MAPK8IP3: variants seen among roughly 807,000 people sequenced by gnomAD.
The protein encoded by MAPK8IP3 is mitogen-activated protein kinase 8 interacting protein 3.
MAPK8IP3 carries 49 observed loss-of-function variants against 157.8 expected under a neutral mutation model. That is an observed-to-expected ratio of 0.31 (90% confidence interval 0.25 to 0.39). The LOEUF (loss-of-function observed/expected upper bound fraction) is 0.39. MAPK8IP3 is among the 10% of genes least tolerant of loss of function. MAPK8IP3 has a pLI of 1.00. For missense variants in MAPK8IP3, 1,478 were observed against 1,889.4 expected (o/e 0.78, Z 4.04); for synonymous variants, 897 against 777.7 (o/e 1.15, Z -2.55).
chr16:1,733,248 G>A (rs2141755361), intron 4 of MAPK8IP3, among the ~76,000 whole-genome samples: 1 of 152,032 alleles, frequency 6.6e-6, no homozygotes, highest in African/African-American at 2.4e-5. Context: ...TGGGCAGGAG[G>A]AGCCCAGCAA....
At chr16:1,739,135 ACCGT>A (rs1229754379) in intron 4 of MAPK8IP3, among the ~76,000 whole-genome samples, 24 of 103,810 alleles carry the variant, frequency 2.3e-4, no homozygotes, top group Non-Finnish European at 3.0e-4. Context: ...TGAGCGTGTG[ACCGT>A]CCGTGTGTGT....
intron 4 of MAPK8IP3, among the ~76,000 whole-genome samples, chr16:1,739,946 G>A (rs1195528022): frequency 8.0e-6 from 1 of 125,514 alleles, no homozygotes; most frequent in African/African-American, 3.1e-5. Flanking sequence ...GTCCGTGTGA[G>A]CATCCGTGTG....
intron 4 of MAPK8IP3, among the ~76,000 whole-genome samples, chr16:1,733,772 C>T (rs2039471170): frequency 1.3e-5 from 2 of 152,366 alleles, no homozygotes; most frequent in Admixed American, 6.5e-5. Context: ...GGCTGCTGCA[C>T]TCCCCTCAGG....
chr16:1,744,573 C>G (rs543611313), intron 5 of MAPK8IP3: 1 of 985,546 alleles, frequency 1.0e-6, no homozygotes, highest in African/African-American at 1.7e-5. Context: ...AGCCCTGCCA[C>G]CTGGGCCCAC....
chr16:1,725,522 G>C (rs1057106245), intron 2 of MAPK8IP3, among the ~76,000 whole-genome samples: 1 of 151,504 alleles, frequency 6.6e-6, no homozygotes, highest in Admixed American at 6.6e-5. Flanking sequence ...AGCTACTCGG[G>C]CAACTGAGGC....
intron 24 of MAPK8IP3, 48 bp from the exon 25 acceptor site, chr16:1,766,856 G>A (rs1443773433): frequency 6.2e-7 from 1 of 1,611,570 alleles, no homozygotes; most frequent in South Asian, 1.1e-5. Context: ...GGGCGGAGGG[G>A]GCTGGCACAG....
intron 8 of MAPK8IP3, among the ~76,000 whole-genome samples, chr16:1,757,866 G>A (rs1156498507): frequency 2.6e-5 from 4 of 152,188 alleles, no homozygotes; most frequent in Admixed American, 1.3e-4. Flanking sequence ...CCTCCTGATG[G>A]GCGATGGGAG....
intron 1 of MAPK8IP3, among the ~76,000 whole-genome samples, chr16:1,709,245 G>C (rs1453231030): frequency 6.6e-6 from 1 of 152,226 alleles, no homozygotes; most frequent in Non-Finnish European, 1.5e-5. Flanking sequence ...AGGCAGCTGA[G>C]TGTATGAGAG....
intron 1 of MAPK8IP3, among the ~76,000 whole-genome samples, chr16:1,716,684 T>A (rs1596549791): frequency 6.6e-6 from 1 of 150,474 alleles, no homozygotes; most frequent in Non-Finnish European, 1.5e-5. Flanking sequence ...GAGGCTGAGG[T>A]GGGTGGATGA....
rs772025299 is a variant in MAPK8IP3 at position 1,743,322 on chromosome 16, C to T, written c.603-10C>T. 1.4e-5 allele frequency: 21 copies of T among 1,546,044 alleles called. No homozygotes were observed. Among genetic ancestry groups the T allele is most frequent in the Admixed American group, 8.9e-5 (4 of 44,970 alleles). On this transcript the variant is annotated splice_polypyrimidine_tract_variant and intron_variant, in intron 4 of 31. Transcript: ENST00000610761. The surrounding 1 kb of genome is among the most constrained non-coding windows in gnomAD (Gnocchi z 5.6). The stretch of plus-strand genomic sequence containing the variant: ...ACCATCGCTTCCTCTCCTCTCGCCC[C>T]CCATTTCAGCAGGAAGGAGCGCCCC...
chr16:1,743,792 T>A lies in MAPK8IP3; in HGVS notation c.747+316T>A. On this transcript the variant is annotated intron_variant, in intron 5 of 31. Coordinates refer to ENST00000610761, the MANE Select transcript of MAPK8IP3 (RefSeq NM_001318852.2). This position sits in a 1 kb window ranked among gnomAD's most constrained non-coding sequence, Gnocchi z 5.6. ...TGCCTGTCAGGGTTGAGCTTAGTGA[T>A]CCTCTCTCAAACCACACCCCCACAT... The A allele has an allele frequency of 1.6e-6, 2 of 1,252,718 alleles. No individual in the cohort carries two copies. The highest frequency in any genetic ancestry group is 3.0e-4 in the Middle Eastern group (1 of 3,290). The allele number at this position is 1,252,718 out of a possible 1,614,324, so 77.6% of individuals were successfully genotyped here.
chr16:1,730,686 A>G (rs370629600), intron 4 of MAPK8IP3, among the ~76,000 whole-genome samples: 1 of 152,234 alleles, frequency 6.6e-6, no homozygotes, highest in Non-Finnish European at 1.5e-5. Flanking sequence ...TACTAAAAAT[A>G]TAAAAAATTA....
In MAPK8IP3 at chr16:1,743,879, A is replaced by C; in HGVS notation, c.747+403A>C. 6.6e-6 allele frequency: 7 copies of C among 1,057,276 alleles called. No individual in the cohort carries two copies. In the South Asian group the frequency reaches 9.3e-5, roughly 14 times the overall value. 65.5% of individuals were successfully genotyped at this position (1,057,276 alleles called of 1,614,324 possible). A position where few individuals can be genotyped will look rare whatever the true frequency, so the allele number is the denominator to read the frequency against. On this transcript the variant is annotated intron_variant, in intron 5 of 31. Coordinates refer to ENST00000610761, the MANE Select transcript of MAPK8IP3 (RefSeq NM_001318852.2). The surrounding 1 kb of genome is among the most constrained non-coding windows in gnomAD (Gnocchi z 5.6). Reference sequence around the variant, plus strand: ...TCCTGCCCCTGAGAGCCACGCCTCTACTCTCGGAGGAACGTCAGTGTCTAG... The same window carrying C: ...TCCTGCCCCTGAGAGCCACGCCTCTCCTCTCGGAGGAACGTCAGTGTCTAG...
At chr16:1,727,098 G>A (rs1372724292) in intron 2 of MAPK8IP3, among the ~76,000 whole-genome samples, 3 of 150,078 alleles carry the variant, frequency 2.0e-5, no homozygotes, top group African/African-American at 4.9e-5. Context: ...GTTGTGTGCC[G>A]TGTGGAGCGT....
rs1382187370 is a variant in MAPK8IP3 at position 1,766,418 on chromosome 16, T to C, written c.2819+9T>C. 6.2e-7 allele frequency: 1 copy of C among 1,608,518 alleles called. No homozygotes were observed. The highest frequency in any genetic ancestry group is 8.5e-7 in the Non-Finnish European group (1 of 1,177,458). The stretch of plus-strand genomic sequence containing the variant: ...GGCCCCCAGCCTGGCAGGTGAGCTC[T>C]TGGGCTGGGGCAGGAGCAGAGGGAA... On this transcript the variant is annotated intron_variant, in intron 22 of 31. Transcript: ENST00000610761.
intron 8 of MAPK8IP3, among the ~76,000 whole-genome samples, chr16:1,755,557 C>T (rs1033493942): frequency 1.3e-5 from 2 of 151,940 alleles, no homozygotes. Flanking sequence ...GATAGTAGAA[C>T]TGGAAAAGGG....
Position 1,706,328 on chromosome 16 carries a change from G to A in MAPK8IP3, c.-12G>A. The A allele has an allele frequency of 6.5e-7, 1 of 1,544,560 alleles. No individual in the cohort carries two copies. Among genetic ancestry groups the A allele is most frequent in the Non-Finnish European group, 8.7e-7 (1 of 1,145,096 alleles). ...CGGATAGCGAGCCGCGCTGGCGGCG[G>A]CGGTGGCCGCGATGATGGAGATCCA... On this transcript the variant is annotated 5_prime_UTR_variant, in exon 1 of 32. Coordinates refer to ENST00000610761, the MANE Select transcript of MAPK8IP3 (RefSeq NM_001318852.2). This position sits in a 1 kb window ranked among gnomAD's most constrained non-coding sequence, Gnocchi z 5.1.
At chr16:1,717,425 G>C (rs115569302) in intron 1 of MAPK8IP3, among the ~76,000 whole-genome samples, 5,137 of 152,186 alleles carry the variant, frequency 0.034, 138 homozygotes, top group African/African-American at 0.081. Context: ...TTCGTGTCTC[G>C]ACTGAGGAAC....
Position 1,729,583 on chromosome 16 carries a change from G to A in MAPK8IP3, c.602+5G>A, listed in dbSNP as rs765839520. 2.0e-5 allele frequency: 32 copies of A among 1,582,258 alleles called. No homozygotes were observed. Among genetic ancestry groups the A allele is most frequent in the Non-Finnish European group, 2.5e-5 (29 of 1,162,032 alleles). ...GAGCAGCCTGCCGGGGCGGAGGTAC[G>A]CGGGGCGCGGCGGGGTGGAGGTACG... On this transcript the variant is annotated splice_donor_5th_base_variant and intron_variant, in intron 4 of 31. Coordinates refer to ENST00000610761, the MANE Select transcript of MAPK8IP3 (RefSeq NM_001318852.2).
Sources: allele counts gnomAD v4.1 joint callset (sites outside exome capture counted in the v4.1 genomes callset), GRCh38; gene constraint gnomAD v4.1.1; non-coding constraint Gnocchi (gnomAD v3.1); transcripts MANE v1.5; gene names NCBI Gene and HGNC (gene_info 2026-07-23, HGNC 2026-07-21).